The following ZBTB20 variants were observed in gnomAD, a reference collection of about 807,000 sequenced individuals.
The protein encoded by ZBTB20 is zinc finger and BTB domain containing 20.
A neutral mutation model predicts 56.9 loss-of-function variants in ZBTB20; 9 were observed. That is an observed-to-expected ratio of 0.16 (90% CI 0.10 to 0.28). The LOEUF (loss-of-function observed/expected upper bound fraction) is 0.28, where lower values mean the gene tolerates loss of function less well. ZBTB20 is among the 10% of genes least tolerant of loss of function. ZBTB20 has a pLI of 1.00. For synonymous variants in ZBTB20, 417 were observed against 420.7 expected (o/e 0.99, Z 0.11); for missense variants, 655 against 1,003.0 (o/e 0.65, Z 4.69).
At chr3:114,619,417 A>G (rs1300833651) in intron 6 of ZBTB20, among the ~76,000 whole-genome samples, 7 of 152,192 alleles carry the variant, frequency 4.6e-5, no homozygotes, top group Non-Finnish European at 1.0e-4. Flanking sequence ...AGAATGAGAT[A>G]TAGTTTGGGG....
At chr3:114,507,915 G>T (rs182010435) in intron 6 of ZBTB20, among the ~76,000 whole-genome samples, 5 of 152,028 alleles carry the variant, frequency 3.3e-5, no homozygotes, top group African/African-American at 1.2e-4. Flanking sequence ...TATTCAATTT[G>T]CCAAGTGCAT....
intron 2 of ZBTB20, among the ~76,000 whole-genome samples, chr3:114,994,238 A>T (rs1359980083): frequency 6.6e-6 from 1 of 151,904 alleles, no homozygotes; most frequent in African/African-American, 2.4e-5. Flanking sequence ...CATGAAATGT[A>T]AGAAAAATAT....
chr3:114,819,309 C>G (rs1269408806), intron 4 of ZBTB20, among the ~76,000 whole-genome samples: 1 of 151,810 alleles, frequency 6.6e-6, no homozygotes, highest in Admixed American at 6.6e-5. Flanking sequence ...ACAATTCCAA[C>G]AAATATTCCA....
chr3:114,865,100 C>A (rs898921284), intron 4 of ZBTB20, among the ~76,000 whole-genome samples: 1 of 152,064 alleles, frequency 6.6e-6, no homozygotes, highest in African/African-American at 2.4e-5. Context: ...GGATTGCCAT[C>A]TATTATAAAT....
intron 6 of ZBTB20, among the ~76,000 whole-genome samples, chr3:114,536,055 A>T (rs948417275): frequency 2.6e-5 from 4 of 152,246 alleles, no homozygotes; most frequent in Admixed American, 2.6e-4. Flanking sequence ...TGAATGGGCA[A>T]ATGCTGGACG....
intron 2 of ZBTB20, among the ~76,000 whole-genome samples, chr3:114,979,169 A>G (rs1560457946): frequency 6.6e-6 from 1 of 152,080 alleles, no homozygotes; most frequent in African/African-American, 2.4e-5. Context: ...TTCAAAGAAA[A>G]GCACAGCCTG....
intron 5 of ZBTB20, among the ~76,000 whole-genome samples, chr3:114,767,698 C>T (rs1270619206): frequency 6.6e-6 from 1 of 151,902 alleles, no homozygotes; most frequent in Non-Finnish European, 1.5e-5. Flanking sequence ...TCATCCTTTC[C>T]CCACTGGCTG....
intron 8 of ZBTB20, among the ~76,000 whole-genome samples, chr3:114,384,441 C>T (rs1344169377): frequency 6.6e-6 from 1 of 151,396 alleles, no homozygotes; most frequent in South Asian, 2.1e-4. Flanking sequence ...CCTCCCGCCA[C>T]ACTGGTGGAG....
intron 6 of ZBTB20, among the ~76,000 whole-genome samples, chr3:114,550,453 T>G (rs570939117): frequency 6.6e-6 from 1 of 152,182 alleles, no homozygotes; most frequent in Non-Finnish European, 1.5e-5. Context: ...GTAAGCTGAT[T>G]TGTCAACAGC....
At chr3:114,925,555 T>C (rs1201728992) in intron 3 of ZBTB20, among the ~76,000 whole-genome samples, 1 of 152,044 alleles carries the variant, frequency 6.6e-6, no homozygotes, top group Non-Finnish European at 1.5e-5. Context: ...TGAGACGGAG[T>C]CTTGCTCTGT....
intron 4 of ZBTB20, among the ~76,000 whole-genome samples, chr3:114,850,704 C>T (rs986098578): frequency 2.0e-5 from 3 of 152,164 alleles, no homozygotes; most frequent in South Asian, 2.1e-4. Flanking sequence ...CTCATAATAA[C>T]GATCACTCTT....
intron 6 of ZBTB20, among the ~76,000 whole-genome samples, chr3:114,629,751 A>T (rs2058838322): frequency 6.6e-6 from 1 of 152,208 alleles, no homozygotes; most frequent in African/African-American, 2.4e-5. Context: ...CCCTGTTTGG[A>T]TACAGAGACC....
chr3:114,436,102 C>G (rs950393293), intron 7 of ZBTB20, among the ~76,000 whole-genome samples: 1 of 152,300 alleles, frequency 6.6e-6, no homozygotes, highest in African/African-American at 2.4e-5. Context: ...GGTGCATTTC[C>G]TGGCAACAAA....
chr3:114,380,358 C>T lies in ZBTB20; in HGVS notation c.58G>A (p.Glu20Lys), dbSNP rs184511326. 6.5e-7 allele frequency: 1 copy of T among 1,537,116 alleles called. No individual in the cohort carries two copies. The change falls in exon 10 of 12, where the codon GAG becomes AAG. Residue 20 changes from glutamate (E) to lysine (K), a missense_variant. By Grantham distance (56) the Glu-to-Lys change is moderately conservative (BLOSUM62 1). Around this residue, in one of 10 missense-constraint regions of ZBTB20, gnomAD observed 79 missense variants for 78.4 expected, o/e 1.01. Coordinates refer to ENST00000675478, the MANE Select transcript of ZBTB20 (RefSeq NM_001348800.3). ...AENQKASEEN[E>K]ITQPGGSSAK... ...CTGGATCCACCCGGCTGAGTAATCT[C>T]ATTCTCCTCAGATGCCTTCTGGTTT... is the stretch of plus-strand genomic sequence containing the variant.
Position 114,503,972 on chromosome 3 carries a change from C to T in ZBTB20, c.-294-3581G>A, listed in dbSNP as rs186620220. Among the ~76,000 whole-genome samples the T allele has an allele frequency of 1.5e-3, 222 of 152,212 alleles. 1 individual carries two copies. Among genetic ancestry groups the T allele is most frequent in the Non-Finnish European group, 2.4e-3 (164 of 68,002 alleles). On this transcript the variant is annotated intron_variant, in intron 6 of 11. Coordinates refer to ENST00000675478, the MANE Select transcript of ZBTB20 (RefSeq NM_001348800.3). ...CAAAAACACCAAGTTTCAAGGAACT[C>T]CTAGACTCCATGAAGGCCATTCATG...
At chr3:114,597,237 T>C (rs1310105845) in intron 6 of ZBTB20, among the ~76,000 whole-genome samples, 1 of 152,142 alleles carries the variant, frequency 6.6e-6, no homozygotes, top group Non-Finnish European at 1.5e-5. Flanking sequence ...TATTGCACGA[T>C]ATTAAGGGAT....
At chr3:114,606,583 T>C (rs566781674) in intron 6 of ZBTB20, among the ~76,000 whole-genome samples, 3 of 152,222 alleles carry the variant, frequency 2.0e-5, no homozygotes, top group African/African-American at 4.8e-5. Context: ...AATGAGTGCA[T>C]AGGCCACTGC....
At chr3:115,112,404 A>C (rs2083904440) in intron 1 of ZBTB20, among the ~76,000 whole-genome samples, 1 of 151,968 alleles carries the variant, frequency 6.6e-6, no homozygotes, top group African/African-American at 2.4e-5. Flanking sequence ...GAACATTAGA[A>C]CTTCTTTTGT....
Position 114,319,330 on chromosome 3 carries a change from A to G in ZBTB20, c.*19675T>C, listed in dbSNP as rs558300063. On this transcript the variant is annotated 3_prime_UTR_variant, in exon 12 of 12. Transcript: ENST00000675478. ...CAATTTTTTTCCTCTCCTAAACATTAACCTTCAGTCTAGGGCACAATTATT... is the reference window on the plus strand; with the variant it reads ...CAATTTTTTTCCTCTCCTAAACATTGACCTTCAGTCTAGGGCACAATTATT... 1 of 152,314 alleles carries G rather than the reference A, an allele frequency of 6.6e-6. No homozygotes were observed. The highest frequency in any genetic ancestry group is 6.5e-5 in the Admixed American group (1 of 15,306). The allele number at this position is 152,314 out of a possible 1,614,324, so 9.4% of individuals were successfully genotyped here.
Sources: gnomAD v4.1 joint callset for allele counts (sites outside exome capture counted in the v4.1 genomes callset) on GRCh38, gnomAD v4.1.1 for gene constraint, gnomAD v4.1.1 regional missense constraint, MANE v1.5 for transcripts, NCBI Gene and HGNC (gene_info 2026-07-23, HGNC 2026-07-21) for gene names.